NEBL: variants seen among roughly 807,000 people sequenced by gnomAD.
The protein encoded by NEBL is LIM and SH3 protein 2.
Under a neutral mutation model 140.2 loss-of-function variants are expected in NEBL, and 122 were observed. That is an observed-to-expected ratio of 0.87 (90% confidence interval 0.75 to 1.01). The LOEUF is 1.01. Among genes scored for constraint, NEBL ranks in the 50% least tolerant of loss-of-function variants. NEBL has a pLI of 0.00. For missense variants in NEBL, 1,365 were observed against 1,231.3 expected (o/e 1.11, Z -1.62); for synonymous variants, 436 against 398.9 (o/e 1.09, Z -1.11).
chr10:20,993,275 T>C (rs189214809), intron 3 of NEBL, among the ~76,000 whole-genome samples: 8 of 152,324 alleles, frequency 5.3e-5, no homozygotes, highest in Admixed American at 1.3e-4. Context: ...CATTACCACA[T>C]TGCAGGCAAA....
intron 3 of NEBL, among the ~76,000 whole-genome samples, chr10:21,187,591 G>C (rs945027560): frequency 3.3e-5 from 5 of 151,976 alleles, no homozygotes; most frequent in Non-Finnish European, 5.9e-5. Flanking sequence ...ACGGCTCGCT[G>C]TAGCCTCAAC....
At chr10:21,225,947 A>G (rs1426707301) in intron 3 of NEBL, among the ~76,000 whole-genome samples, 1 of 152,086 alleles carries the variant, frequency 6.6e-6, no homozygotes, top group Non-Finnish European at 1.5e-5. Context: ...TTCCTCAAAC[A>G]GAAGGAATCT....
At chr10:21,082,476 A>T (rs2131939279) in intron 2 of NEBL, among the ~76,000 whole-genome samples, 1 of 148,790 alleles carries the variant, frequency 6.7e-6, no homozygotes, top group South Asian at 2.1e-4. Flanking sequence ...CAGGAATAAA[A>T]ATGTTCTTTG....
At position 21,044,702 on chromosome 10, in the gene NEBL, T is replaced by C. The variant is rs186494363; in HGVS notation, c.165-24501A>G. Among the ~76,000 whole-genome samples the C allele has an allele frequency of 1.1e-4, 16 of 152,292 alleles. 1 individual carries two copies. Among genetic ancestry groups the C allele is most frequent in the African/African-American group, 3.6e-4 (15 of 41,574 alleles). On this transcript the variant is annotated intron_variant, in intron 2 of 6. Coordinates refer to the NEBL transcript ENST00000417816. The stretch of plus-strand genomic sequence containing the variant: ...CCTTGCTAAATGGTCAACATCTATG[T>C]ACCCTTTATCACCCTGCTCAAATGC...
At chr10:21,028,063 C>T (rs185102779) in intron 2 of NEBL, among the ~76,000 whole-genome samples, 249 of 151,446 alleles carry the variant, frequency 1.6e-3, no homozygotes, top group African/African-American at 5.4e-3. Context: ...CCTGTCTCTA[C>T]TAAAAATACA....
chr10:20,855,094 G>A (rs1842925912), intron 9 of NEBL, among the ~76,000 whole-genome samples: 1 of 151,832 alleles, frequency 6.6e-6, no homozygotes, highest in Non-Finnish European at 1.5e-5. Flanking sequence ...GTGGTGGGGT[G>A]CACCTAGTAG....
chr10:21,146,705 A>G (rs1839910148), intron 2 of NEBL: 1 of 525,500 alleles, frequency 1.9e-6, no homozygotes, highest in Admixed American at 3.6e-5. Flanking sequence ...AAAGAATTGC[A>G]ATGCCCTGGT....
At chr10:20,834,323 C>T (rs188469690) in intron 14 of NEBL, among the ~76,000 whole-genome samples, 6 of 152,272 alleles carry the variant, frequency 3.9e-5, no homozygotes, top group Admixed American at 6.5e-5. Flanking sequence ...GACTATCTCT[C>T]AGGACGAGAA....
intron 2 of NEBL, among the ~76,000 whole-genome samples, chr10:21,031,667 A>G (rs1372232251): frequency 6.6e-6 from 1 of 152,212 alleles, no homozygotes; most frequent in Non-Finnish European, 1.5e-5. Flanking sequence ...AGAGTCAGCC[A>G]CTTGCTTTTG....
At chr10:20,882,974 A>G (rs1012844358) in intron 4 of NEBL, among the ~76,000 whole-genome samples, 2 of 152,158 alleles carry the variant, frequency 1.3e-5, no homozygotes, top group Non-Finnish European at 2.9e-5. Flanking sequence ...AGAACTTCCA[A>G]TGTGGGAAGA....
At position 20,809,709 on chromosome 10, in the gene NEBL, A is replaced by G. The variant is rs926585696; in HGVS notation, c.2611+97T>C. The G allele has an allele frequency of 4.2e-5, 43 of 1,012,304 alleles. No individual in the cohort carries two copies. The Middle Eastern group carries it at 1.9e-3, about 44-fold the overall frequency. 62.7% of individuals were successfully genotyped at this position (1,012,304 alleles called of 1,614,324 possible). On this transcript the variant is annotated intron_variant, in intron 25 of 27. Coordinates refer to ENST00000377122, the MANE Select transcript of NEBL (RefSeq NM_006393.3). ...GGTTTGCCAAATTCTCAGCTTTAAA[A>G]TTTACATTACACAGTACAATGAACC...
chr10:20,917,255 C>T (rs1331595086), intron 4 of NEBL, among the ~76,000 whole-genome samples: 1 of 152,148 alleles, frequency 6.6e-6, no homozygotes, highest in African/African-American at 2.4e-5. Flanking sequence ...ATGTTACAGG[C>T]AAAACACTGT....
chr10:21,190,463 G>A (rs886542448), intron 3 of NEBL, among the ~76,000 whole-genome samples: 1 of 152,164 alleles, frequency 6.6e-6, no homozygotes, highest in African/African-American at 2.4e-5. Flanking sequence ...CAGCCTGTGC[G>A]ACAGAGCGAG....
In NEBL at chr10:20,817,632, T is replaced by C. The variant is rs1564350866; in HGVS notation, c.2116A>G (p.Arg706Gly). 1.2e-6 allele frequency: 2 copies of C among 1,614,038 alleles called. No homozygotes were observed. Among genetic ancestry groups the C allele is most frequent in the African/African-American group, 1.3e-5 (1 of 75,064 alleles). The change falls in exon 21 of 28, where the codon AGG becomes GGG. Residue 706 changes from arginine (R) to glycine (G), a missense_variant. Coordinates refer to ENST00000377122, the MANE Select transcript of NEBL (RefSeq NM_006393.3). Reference protein sequence around the residue: ...TAISDPPELKRAKENQKNISN... With the variant: ...TAISDPPELKGAKENQKNISN... The stretch of plus-strand genomic sequence containing the variant: ...ATGTTTTTCTGGTTTTCTTTTGCCC[T>C]CTTCAGCTCTGGTGGATCAGAAATT...
At chr10:20,845,174 A>G in intron 12 of NEBL, 84 bp downstream of exon 12, 1 of 839,836 alleles carries the variant, frequency 1.2e-6, no homozygotes. Flanking sequence ...GAAACACTGA[A>G]TTAGTAGAGA....
intron 2 of NEBL, among the ~76,000 whole-genome samples, chr10:21,024,133 A>G (rs1012606474): frequency 1.3e-5 from 2 of 152,004 alleles, no homozygotes; most frequent in African/African-American, 4.8e-5. Flanking sequence ...TAATCTCATG[A>G]CCAAAGTGCA....
At chr10:21,020,281 T>A in intron 2 of NEBL, 1 of 1,202,976 alleles carries the variant, frequency 8.3e-7, no homozygotes, top group Non-Finnish European at 1.2e-6. Context: ...GTTTTGCACA[T>A]CCCCCCTTTT....
intron 25 of NEBL, among the ~76,000 whole-genome samples, chr10:20,809,544 A>T (rs1050662581): frequency 6.6e-6 from 1 of 152,212 alleles, no homozygotes; most frequent in Non-Finnish European, 1.5e-5. Context: ...CTGTATTTGT[A>T]AACCCAGAAA....
intron 3 of NEBL, among the ~76,000 whole-genome samples, chr10:21,230,604 C>CTT (rs1157514424): frequency 2.6e-4 from 32 of 125,484 alleles, no homozygotes; most frequent in African/African-American, 5.0e-4. Flanking sequence ...AACTGGAAAC[C>CTT]TTTTTTTTTT....
Sources: allele counts gnomAD v4.1 joint callset (sites outside exome capture counted in the v4.1 genomes callset), GRCh38; gene constraint gnomAD v4.1.1; transcripts MANE v1.5; gene names NCBI Gene and HGNC (gene_info 2026-07-23, HGNC 2026-07-21).